PPP6R2: variants seen among roughly 807,000 people sequenced by gnomAD.
The protein encoded by PPP6R2 is serine/threonine-protein phosphatase 6 regulatory subunit 2.
In PPP6R2, 62 loss-of-function variants were observed where a neutral mutation model predicts 100.2. The ratio of observed to expected loss-of-function variants is 0.62; its 90% CI spans 0.50 to 0.76. The LOEUF is 0.76. PPP6R2 is among the 30% of genes least tolerant of loss of function. The pLI is 0.00. For synonymous variants in PPP6R2, 525 were observed against 514.7 expected (o/e 1.02, Z -0.27); for missense variants, 1,142 against 1,276.3 (o/e 0.89, Z 1.60).
rs546948021 is a variant in PPP6R2 at position 50,392,988 on chromosome 22, T to C, written c.-16-905T>C. Among the ~76,000 whole-genome samples, 44 of 152,358 alleles carry C rather than the reference T, an allele frequency of 2.9e-4. No homozygotes were observed. The South Asian group carries it at 8.9e-3, about 31-fold the overall frequency. ...CATGTAACATTGAAAAGATTTGTAA[T>C]CTCACAGTAAAGTTTTAACTTTGTG... On this transcript the variant is annotated intron_variant, in intron 2 of 23. Coordinates refer to ENST00000612753, the MANE Select transcript of PPP6R2 (RefSeq NM_001242898.2).
In PPP6R2 at chr22:50,436,467, G is replaced by A. The variant is rs1418798108; in HGVS notation, c.1602+15G>A. The A allele has an allele frequency of 1.3e-6, 2 of 1,572,486 alleles. No individual in the cohort carries two copies. Among genetic ancestry groups the A allele is most frequent in the African/African-American group, 2.7e-5 (2 of 74,622 alleles). ...CTGTGGACCTGGTGAGGAGGCTCGG[G>A]GCTGCCCCCTCGGTGCACGCACGGT... On this transcript the variant is annotated intron_variant, in intron 14 of 23. Transcript: ENST00000612753.
chr22:50,431,616 C>T lies in PPP6R2; in HGVS notation c.1335+234C>T, dbSNP rs1280146505. Among the ~76,000 whole-genome samples the T allele has an allele frequency of 6.6e-6, 1 of 152,140 alleles. No homozygotes were observed. Among genetic ancestry groups the T allele is most frequent in the Non-Finnish European group, 1.5e-5 (1 of 68,026 alleles). Reference sequence around the variant, plus strand: ...GGTACTGGTGCCTTCCACGTGCAGGCCTGGCAAGGGTTAGCACTGGATGAG... The same window carrying T: ...GGTACTGGTGCCTTCCACGTGCAGGTCTGGCAAGGGTTAGCACTGGATGAG... On this transcript the variant is annotated intron_variant, in intron 11 of 23. Transcript: ENST00000612753. This position sits in a 1 kb window ranked among gnomAD's most constrained non-coding sequence, Gnocchi z 4.8.
chr22:50,401,113 GACTCAA>G (rs2057944035), intron 3 of PPP6R2, among the ~76,000 whole-genome samples: 1 of 152,042 alleles, frequency 6.6e-6, no homozygotes, highest in South Asian at 2.1e-4. Flanking sequence ...GCCCAGTCTG[GACTCAA>G]ACTCCTGGGC....
intron 8 of PPP6R2, among the ~76,000 whole-genome samples, chr22:50,420,551 T>C (rs2061191082): frequency 6.6e-6 from 1 of 152,206 alleles, no homozygotes; most frequent in Non-Finnish European, 1.5e-5. Flanking sequence ...TTTGAAACTG[T>C]TTCTCTGGAT....
At chr22:50,401,701 G>A (rs1048226322) in intron 3 of PPP6R2, among the ~76,000 whole-genome samples, 19 of 151,190 alleles carry the variant, frequency 1.3e-4, no homozygotes, top group African/African-American at 4.6e-4. Context: ...GGAATGCAGT[G>A]GCACAATCTC....
upstream of PPP6R2, among the ~76,000 whole-genome samples, chr22:50,341,791 A>G (rs989056106): frequency 1.2e-4 from 18 of 151,988 alleles, no homozygotes; most frequent in Admixed American, 2.6e-4. Flanking sequence ...TCAGGAGATC[A>G]AGACCATCCT....
Position 50,437,177 on chromosome 22 carries a change from C to A in PPP6R2, c.1683+109C>A, listed in dbSNP as rs139462371. 6.4e-4 allele frequency: 674 copies of A among 1,053,000 alleles called. 11 individuals are homozygous for A. The East Asian group carries it at 0.018, about 28-fold the overall frequency. The allele number at this position is 1,053,000 out of a possible 1,614,324, so 65.2% of individuals were successfully genotyped here. On this transcript the variant is annotated intron_variant, in intron 15 of 23. Transcript: ENST00000612753. ...ATGGCATCTCACTAGCAAAGGGGAG[C>A]GGGGGCTCGTCTCCGAGCACGTATG... is the stretch of plus-strand genomic sequence containing the variant.
chr22:50,432,719 G>GT (rs1396082612), intron 12 of PPP6R2, among the ~76,000 whole-genome samples: 1 of 152,232 alleles, frequency 6.6e-6, no homozygotes, highest in East Asian at 1.9e-4. Flanking sequence ...TGCTTAATGG[G>GT]TGCTCCCTCT....
At position 50,369,927 on chromosome 22, in the gene PPP6R2, T is replaced by TTTA. The variant is rs774327761; in HGVS notation, c.-147-2093_-147-2092insTTA. Among the ~76,000 whole-genome samples, 277 of 140,108 alleles carry TTTA rather than the reference T, an allele frequency of 2.0e-3. 10 individuals are homozygous for TTTA. In the East Asian group the frequency reaches 0.049, roughly 25 times the overall value. 91.9% of individuals were successfully genotyped at this position (140,108 alleles called of 152,430 possible). The stretch of plus-strand genomic sequence containing the variant: ...GTAATTTTTTTTTTTTTTTTTTTTT[T>TTTA]AAGTAGAGGCAAGGTCTCGCTGTGT... On this transcript the variant is annotated intron_variant, in intron 1 of 23. Transcript: ENST00000612753.
At chr22:50,370,435 C>G (rs188024331) in intron 1 of PPP6R2, among the ~76,000 whole-genome samples, 10 of 151,376 alleles carry the variant, frequency 6.6e-5, no homozygotes, top group Non-Finnish European at 1.2e-4. Context: ...TTACAGGCGC[C>G]TGCCACCACG....
upstream of PPP6R2, among the ~76,000 whole-genome samples, chr22:50,338,680 AGTATGTGGT>A (rs2042331646): frequency 9.0e-6 from 1 of 110,566 alleles, no homozygotes; most frequent in Non-Finnish European, 2.1e-5. Flanking sequence ...GTGTGTGTGT[AGTATGTGGT>A]GTGTGTGGTG....
intron 1 of PPP6R2, among the ~76,000 whole-genome samples, chr22:50,354,685 G>A (rs1369034941): frequency 6.6e-6 from 1 of 151,746 alleles, no homozygotes; most frequent in Non-Finnish European, 1.5e-5. Context: ...AATTAGCCGG[G>A]CATGGTGGCA....
the PPP6R2 span, among the ~76,000 whole-genome samples, chr22:50,334,596 T>C: frequency 6.6e-6 from 1 of 152,204 alleles, no homozygotes; most frequent in South Asian, 2.1e-4. Flanking sequence ...CTGGGTGGCT[T>C]GCCGCCCACA....
At chr22:50,443,611 G>C (rs1396001857) in intron 22 of PPP6R2, 2 of 558,728 alleles carry the variant, frequency 3.6e-6, no homozygotes, top group African/African-American at 1.9e-5. Context: ...ATGATGAGCA[G>C]GATCTGAGTG....
intron 2 of PPP6R2, among the ~76,000 whole-genome samples, chr22:50,384,194 ATAT>A (rs565833258): frequency 6.6e-6 from 1 of 152,082 alleles, no homozygotes; most frequent in South Asian, 2.1e-4. Context: ...TTTGAAGAAA[ATAT>A]TATTTTATAT....
chr22:50,362,012 G>C (rs1344386975), intron 1 of PPP6R2, among the ~76,000 whole-genome samples: 2 of 152,202 alleles, frequency 1.3e-5, no homozygotes, highest in African/African-American at 4.8e-5. Flanking sequence ...GCTGCTCAGT[G>C]ATGGAAACTG....
the PPP6R2 span, among the ~76,000 whole-genome samples, chr22:50,333,491 C>T: frequency 6.6e-6 from 1 of 152,110 alleles, no homozygotes; most frequent in East Asian, 1.9e-4. Context: ...CGCCTGCCAC[C>T]ACGCCCGGCT....
the PPP6R2 span, among the ~76,000 whole-genome samples, chr22:50,338,118 T>C: frequency 1.1e-4 from 16 of 145,546 alleles, no homozygotes; most frequent in Non-Finnish European, 2.4e-4. Flanking sequence ...GTGGTGTGTG[T>C]GCATGTGCGT....
Position 50,422,646 on chromosome 22 carries a change from G to A in PPP6R2, c.972+266G>A, listed in dbSNP as rs139984618. ...ACCATAAGCCTGGCCTCCAAGTTGG[G>A]GGCACCTAGCTAAGGGGTGCTCGGC... On this transcript the variant is annotated intron_variant, in intron 9 of 23. Transcript: ENST00000612753. Among the ~76,000 whole-genome samples the A allele has an allele frequency of 1.5e-3, 232 of 152,276 alleles. 1 individual carries two copies. The highest frequency in any genetic ancestry group is 5.3e-3 in the African/African-American group (219 of 41,544).
Sources: allele counts gnomAD v4.1 joint callset (sites outside exome capture counted in the v4.1 genomes callset), GRCh38; gene constraint gnomAD v4.1.1; non-coding constraint Gnocchi (gnomAD v3.1); transcripts MANE v1.5; gene names NCBI Gene and HGNC (gene_info 2026-07-23, HGNC 2026-07-21).